The following LHX8 variants were observed in gnomAD, a reference collection of about 807,000 sequenced individuals.
LHX8 encodes the protein LIM/homeobox protein Lhx8.
Under a neutral mutation model 40.3 loss-of-function variants are expected in LHX8, and 12 were observed. The observed-to-expected ratio is 0.30, with a 90% CI of 0.19 to 0.48. The LOEUF is 0.48. Ranked by LOEUF, LHX8 falls within the 20% of genes least tolerant of loss-of-function variation. The pLI is 0.99. For synonymous variants in LHX8, 179 were observed against 162.0 expected (o/e 1.10, Z -0.80); for missense variants, 344 against 433.7 (o/e 0.79, Z 1.84).
At chr1:75,196,013 C>T in the LHX8 span, among the ~76,000 whole-genome samples, 7 of 152,256 alleles carry the variant, frequency 4.6e-5, no homozygotes, top group East Asian at 3.9e-4. Context: ...TATAGTCTGG[C>T]GGAAGCTATA....
At chr1:75,135,455 T>TG (rs1648093894) in intron 1 of LHX8, among the ~76,000 whole-genome samples, 1 of 152,150 alleles carries the variant, frequency 6.6e-6, no homozygotes, top group African/African-American at 2.4e-5. Flanking sequence ...GCAGCTACGC[T>TG]GGGTCCCGCG....
downstream of LHX8, among the ~76,000 whole-genome samples, chr1:75,164,099 C>A (rs751246760): frequency 1.3e-5 from 2 of 152,128 alleles, no homozygotes; most frequent in Non-Finnish European, 2.9e-5. Flanking sequence ...TATTACACTG[C>A]TTGAATAAAA....
intron 1 of LHX8, among the ~76,000 whole-genome samples, chr1:75,129,358 A>G (rs1004532694): frequency 1.3e-5 from 2 of 152,248 alleles, no homozygotes; most frequent in African/African-American, 4.8e-5. Flanking sequence ...CACAGTTACA[A>G]GAACCAGTCT....
At chr1:75,181,422 A>G in the LHX8 span, among the ~76,000 whole-genome samples, 1 of 152,028 alleles carries the variant, frequency 6.6e-6, no homozygotes, top group African/African-American at 2.4e-5. Flanking sequence ...GCAATGACAG[A>G]CACCCCTCCC....
At chr1:75,142,227 A>G (rs775618663) in intron 4 of LHX8, among the ~76,000 whole-genome samples, 2 of 152,094 alleles carry the variant, frequency 1.3e-5, no homozygotes, top group Non-Finnish European at 2.9e-5. Context: ...ATATTCTGAA[A>G]TTTGTCTTTA....
chr1:75,174,015 A>G, the LHX8 span, among the ~76,000 whole-genome samples: 18 of 148,960 alleles, frequency 1.2e-4, no homozygotes, highest in African/African-American at 4.6e-4. Context: ...AAATATTCCA[A>G]AATCTAAAAG....
the LHX8 span, among the ~76,000 whole-genome samples, chr1:75,188,313 G>T: frequency 6.6e-6 from 1 of 152,082 alleles, no homozygotes; most frequent in Non-Finnish European, 1.5e-5. Context: ...ACTTTAGTTT[G>T]TATTTATACC....
intron 8 of LHX8, among the ~76,000 whole-genome samples, chr1:75,158,267 T>G (rs1648823702): frequency 6.6e-6 from 1 of 152,222 alleles, no homozygotes; most frequent in Non-Finnish European, 1.5e-5. Flanking sequence ...CTTAATTTCT[T>G]CATGTAATCT....
At chr1:75,177,957 G>C in the LHX8 span, among the ~76,000 whole-genome samples, 1 of 152,164 alleles carries the variant, frequency 6.6e-6, no homozygotes, top group Non-Finnish European at 1.5e-5. Flanking sequence ...CTTTGGTTCT[G>C]TTTATGTGAT....
At chr1:75,178,471 T>C in the LHX8 span, among the ~76,000 whole-genome samples, 20 of 152,354 alleles carry the variant, frequency 1.3e-4, no homozygotes, top group African/African-American at 4.8e-4. Flanking sequence ...AAGGTGTTTA[T>C]AGTATTCTTT....
chr1:75,131,096 G>A, upstream of LHX8: 1 of 364,690 alleles, frequency 2.7e-6, no homozygotes, highest in South Asian at 2.6e-5. Flanking sequence ...CTCTGTTTCT[G>A]CGCCTGCAGG....
the LHX8 span, among the ~76,000 whole-genome samples, chr1:75,198,544 C>T: frequency 1.3e-5 from 2 of 152,108 alleles, no homozygotes; most frequent in Non-Finnish European, 2.9e-5. Flanking sequence ...AACACCTTGC[C>T]TGTGGTCGCA....
chr1:75,148,527 A>G, intron 6 of LHX8, 60 bp from the exon 7 acceptor site: 1 of 1,143,310 alleles, frequency 8.7e-7, no homozygotes, highest in Non-Finnish European at 1.3e-6. Flanking sequence ...ATAAAAATGC[A>G]GGAAGAAGAC....
chr1:75,147,145 GCCCTTTTTTAA>G (rs1251825494), intron 6 of LHX8, among the ~76,000 whole-genome samples: 1 of 152,150 alleles, frequency 6.6e-6, no homozygotes, highest in Non-Finnish European at 1.5e-5. Flanking sequence ...AGCCAATTCT[GCCCTTTTTTAA>G]AAGCAAAAAT....
intron 7 of LHX8, among the ~76,000 whole-genome samples, chr1:75,153,552 C>T (rs1648672969): frequency 6.6e-6 from 1 of 151,770 alleles, no homozygotes; most frequent in South Asian, 2.1e-4. Flanking sequence ...GCTGGGACTA[C>T]AGGCACCTGC....
rs183069203 is a variant in LHX8, at chr1:75,136,113, A to G, written c.-12-490A>G. ...AAAAAGCCCCCTTTTTAAAATATAT[A>G]TGTGTCTTGCTCTTTTAATTGAGGT... On this transcript the variant is annotated intron_variant, in intron 1 of 8. Transcript: ENST00000356261. Among the ~76,000 whole-genome samples, 25 of 152,234 alleles carry G rather than the reference A, an allele frequency of 1.6e-4. 1 individual carries two copies. Among genetic ancestry groups the G allele is most frequent in the Admixed American group, 1.6e-3 (24 of 15,298 alleles).
chr1:75,184,867 T>A, the LHX8 span, among the ~76,000 whole-genome samples: 1 of 145,666 alleles, frequency 6.9e-6, no homozygotes, highest in African/African-American at 2.5e-5. Flanking sequence ...TTAGCTAAAC[T>A]AATAAGAAGA....
At chr1:75,132,486 T>G (rs1342777099), upstream of LHX8, 1 of 152,228 alleles carries the variant, frequency 6.6e-6, no homozygotes, top group South Asian at 2.1e-4. Flanking sequence ...CTGACGACCA[T>G]TCTTCTTCCC....
At chr1:75,185,569 C>T in the LHX8 span, among the ~76,000 whole-genome samples, 1 of 152,144 alleles carries the variant, frequency 6.6e-6, no homozygotes, top group East Asian at 1.9e-4. Flanking sequence ...CCATCTATGG[C>T]AAACCCACAG....
Sources: gnomAD v4.1 joint callset for allele counts (sites outside exome capture counted in the v4.1 genomes callset) on GRCh38, gnomAD v4.1.1 for gene constraint, MANE v1.5 for transcripts, NCBI Gene and HGNC (gene_info 2026-07-23, HGNC 2026-07-21) for gene names.